Variants in ADSS1 observed in about 807,000 individuals in gnomAD.
ADSS1 encodes adenylosuccinate synthase 1, also known as adenylosuccinate synthetase isozyme 1.
A neutral mutation model predicts 59.1 loss-of-function variants in ADSS1; 57 were observed. The observed-to-expected ratio is 0.97, with a 90% CI of 0.78 to 1.20. ADSS1 has a LOEUF of 1.20. Ranked by LOEUF, ADSS1 falls within the 50% of genes most tolerant of loss-of-function variation. ADSS1 has a pLI of 0.00. For synonymous variants in ADSS1, 247 were observed against 249.4 expected (o/e 0.99, Z 0.09); for missense variants, 603 against 610.3 (o/e 0.99, Z 0.13).
At chr14:104,739,607 T>A (rs1195047490) in intron 4 of ADSS1, 143 bp from the exon 5 acceptor site, 1 of 1,008,064 alleles carries the variant, frequency 9.9e-7, no homozygotes, top group Non-Finnish European at 1.5e-6. Flanking sequence ...ACACTCATGG[T>A]CACACCCCAG....
chr14:104,739,768 C>G lies in ADSS1; in HGVS notation c.428C>G (p.Ala143Gly). ...CCGACAGTGTTTGATTTTCACCAGG[C>G]TGTCGACGGACTTCAGGAAGTGCAG... ...RAHLVFDFHQAVDGLQEVQRQ... is the reference protein window; with the variant it reads ...RAHLVFDFHQGVDGLQEVQRQ... The change falls in exon 5 of 13, where the codon GCT (alanine) becomes GGT (glycine). Residue 143 changes from alanine to glycine, a missense_variant. Coordinates refer to ENST00000330877, the MANE Select transcript of ADSS1 (RefSeq NM_152328.5). The G allele has an allele frequency of 1.9e-6, 3 of 1,613,948 alleles. No homozygotes were observed. Among genetic ancestry groups the G allele is most frequent in the Non-Finnish European group, 2.5e-6 (3 of 1,179,998 alleles).
rs768348409 is a variant in ADSS1, at chr14:104,739,808, G to T, written c.468G>T (p.Glu156Asp). 7 of 1,613,776 alleles carry T rather than the reference G, an allele frequency of 4.3e-6. No homozygotes were observed. Among genetic ancestry groups the T allele is most frequent in the African/African-American group, 2.7e-5 (2 of 74,912 alleles). Residue 156 changes from glutamate to aspartate, a missense_variant, in exon 5 of 13, where the codon GAG becomes GAT. Coordinates refer to ENST00000330877, the MANE Select transcript of ADSS1 (RefSeq NM_152328.5). Reference protein sequence around the residue: ...GLQEVQRQAQEGKNIGTTKKG... With the variant: ...GLQEVQRQAQDGKNIGTTKKG... ...AGGAAGTGCAGCGCCAGGCACAAGAGGGGAAGAAGTAAGTCTGCCGGGACA... is the reference window on the plus strand; with the variant it reads ...AGGAAGTGCAGCGCCAGGCACAAGATGGGAAGAAGTAAGTCTGCCGGGACA...
rs1891071695 is a variant in ADSS1, at chr14:104,735,141, CCTG to C, written c.295+20_295+22del. 1.3e-6 allele frequency: 2 copies of C among 1,586,620 alleles called. No individual in the cohort carries two copies. Among genetic ancestry groups the C allele is most frequent in the Middle Eastern group, 1.7e-4 (1 of 6,016 alleles). Reference sequence around the variant, plus strand: ...TTCATTGGTGAGTGCCCTGCCCCGACCTGTGTGTGAGCAGGAAAGGGGGTGTCA... The same window carrying C: ...TTCATTGGTGAGTGCCCTGCCCCGACTGTGTGAGCAGGAAAGGGGGTGTCA... On this transcript the variant is annotated intron_variant, in intron 2 of 12. Transcript: ENST00000330877.
chr14:104,742,542 C>G (rs4247034), intron 9 of ADSS1, among the ~76,000 whole-genome samples: 82,785 of 152,182 alleles, frequency 0.54, 23,394 homozygotes, highest in African/African-American at 0.67. Flanking sequence ...TCCTCTTTCA[C>G]CCTCAACCTG....
At chr14:104,742,576 T>C (rs532102352) in intron 9 of ADSS1, among the ~76,000 whole-genome samples, 1 of 152,356 alleles carries the variant, frequency 6.6e-6, no homozygotes, top group Non-Finnish European at 1.5e-5. Context: ...GGCAAGGACA[T>C]GGCCCTTGTG....
In ADSS1 at chr14:104,746,279, G is replaced by T; in HGVS notation, c.1215G>T (p.Thr405=). 1.9e-6 allele frequency: 3 copies of T among 1,613,590 alleles called. No homozygotes were observed. In the South Asian group the frequency reaches 3.3e-5, roughly 18 times the overall value. The change falls in exon 12 of 13, where the codon ACG becomes ACT. Residue 405 remains threonine, a synonymous_variant. Coordinates refer to ENST00000330877, the MANE Select transcript of ADSS1 (RefSeq NM_152328.5). The stretch of plus-strand genomic sequence containing the variant: ...AGAAGGTCGAAGTTGAGTATGAAAC[G>T]CTGCCTGGGTGGAAAGCAGACACCA... ...MLQKVEVEYE[T]LPGWKADTTG...
intron 1 of ADSS1, chr14:104,730,010 C>T: frequency 1.3e-6 from 2 of 1,594,396 alleles, no homozygotes; most frequent in Non-Finnish European, 1.7e-6. Flanking sequence ...CCCCTGGCTG[C>T]CTCCAAGGAG....
chr14:104,739,519 C>A lies in ADSS1; in HGVS notation c.409+141C>A. ...CATGGCTCCATTAGCTTGTACATTA[C>A]CCTTTTCAAAGAGCTTCAAGTTGGG... On this transcript the variant is annotated intron_variant, in intron 4 of 12. Transcript: ENST00000330877. The A allele has an allele frequency of 6.6e-6, 7 of 1,059,530 alleles. 1 individual carries two copies. The highest frequency in any genetic ancestry group is 9.6e-6 in the Non-Finnish European group (7 of 729,114). The allele number at this position is 1,059,530 out of a possible 1,614,324, so 65.6% of individuals were successfully genotyped here. A position where few individuals can be genotyped will look rare whatever the true frequency, so the allele number is the denominator to read the frequency against.
intron 1 of ADSS1, among the ~76,000 whole-genome samples, chr14:104,732,787 A>G (rs1251312948): frequency 2.6e-5 from 4 of 151,878 alleles, no homozygotes; most frequent in Admixed American, 2.0e-4. Context: ...GTCCTCAGAG[A>G]CCTCACCCCT....
intron 1 of ADSS1, among the ~76,000 whole-genome samples, chr14:104,730,651 G>A (rs1890890658): frequency 6.6e-6 from 1 of 152,146 alleles, no homozygotes; most frequent in South Asian, 2.1e-4. Context: ...GCAATGGTGG[G>A]AGGACTGGGG....
intron 3 of ADSS1, 61 bp downstream of exon 3, chr14:104,738,499 G>T: frequency 6.3e-7 from 1 of 1,577,994 alleles, no homozygotes; most frequent in Non-Finnish European, 8.7e-7. Context: ...GCGGTTGTTG[G>T]CTGGAGCCTT....
chr14:104,728,717 G>A (rs527457540), intron 1 of ADSS1, among the ~76,000 whole-genome samples: 40 of 152,294 alleles, frequency 2.6e-4, no homozygotes, highest in African/African-American at 9.1e-4. Flanking sequence ...AAGCACCGCC[G>A]GCCTCCCCCT....
chr14:104,729,970 C>T, intron 1 of ADSS1: 1 of 1,593,260 alleles, frequency 6.3e-7, no homozygotes, highest in South Asian at 1.1e-5. Context: ...CCCTGACCCT[C>T]AGCTCGTCCC....
At chr14:104,743,362 C>A in intron 10 of ADSS1, 171 bp downstream of exon 10, 1 of 979,804 alleles carries the variant, frequency 1.0e-6, no homozygotes, top group Non-Finnish European at 1.5e-6. Flanking sequence ...GGTATGGAGG[C>A]CTGTGCAGGG....
chr14:104,739,289 C>A lies in ADSS1; in HGVS notation c.359-39C>A, dbSNP rs377214867. 11 of 1,592,424 alleles carry A rather than the reference C, an allele frequency of 6.9e-6. No individual in the cohort carries two copies. The African/African-American group carries it at 1.1e-4, about 15-fold the overall frequency. ...CCCTCACGTGTGAGCTGCAGCGCAC[C>A]TGTGAACACTGACCCACCTGTGTGC... On this transcript the variant is annotated intron_variant, in intron 3 of 12. Coordinates refer to ENST00000330877, the MANE Select transcript of ADSS1 (RefSeq NM_152328.5).
At chr14:104,733,528 C>A (rs188857103) in intron 1 of ADSS1, among the ~76,000 whole-genome samples, 186 of 152,292 alleles carry the variant, frequency 1.2e-3, no homozygotes, top group South Asian at 2.9e-3. Context: ...AGGGGGCCGC[C>A]ATCACGGAGG....
Position 104,730,028 on chromosome 14 carries a change from T to C in ADSS1, c.193-4992T>C, listed in dbSNP as rs33958252. On this transcript the variant is annotated intron_variant, in intron 1 of 12. Transcript: ENST00000330877. ...CTGGCTGCCTCCAAGGAGTCTCCAG[T>C]TACTGAGTGGCCACTCCGTGCCAGC... 0.48 allele frequency: 754,818 copies of C among 1,584,858 alleles called. 184,584 individuals carry two copies. The highest frequency in any genetic ancestry group is 0.75 in the African/African-American group (55,872 of 74,132).
chr14:104,732,431 T>C (rs1890964934), intron 1 of ADSS1, among the ~76,000 whole-genome samples: 1 of 152,174 alleles, frequency 6.6e-6, no homozygotes, highest in Admixed American at 6.5e-5. Flanking sequence ...GGGGCCATCG[T>C]CCTGGGCTCC....
Position 104,724,275 on chromosome 14 carries a change from C to T in ADSS1, c.5C>T (p.Ser2Leu). 1 of 1,229,316 alleles carries T rather than the reference C, an allele frequency of 8.1e-7. No individual in the cohort carries two copies. The highest frequency in any genetic ancestry group is 4.1e-5 in the South Asian group (1 of 24,426). 76.2% of individuals were successfully genotyped at this position (1,229,316 alleles called of 1,614,324 possible). A position where few individuals can be genotyped will look rare whatever the true frequency, so the allele number is the denominator to read the frequency against. Reference protein sequence around the residue: MSGTRASNDRPP... With the variant: MLGTRASNDRPP... Reference sequence around the variant, plus strand: ...CAGCGGAAGAGCCAAGCCAGCATGTCGGGGACCCGAGCCTCCAACGACCGG... The same window carrying T: ...CAGCGGAAGAGCCAAGCCAGCATGTTGGGGACCCGAGCCTCCAACGACCGG... Residue 2 changes from serine to leucine, a missense_variant, in exon 1 of 13, where the codon TCG becomes TTG. Transcript: ENST00000330877.
Sources: allele counts gnomAD v4.1 joint callset (sites outside exome capture counted in the v4.1 genomes callset), GRCh38; gene constraint gnomAD v4.1.1; transcripts MANE v1.5; gene names NCBI Gene and HGNC (gene_info 2026-07-23, HGNC 2026-07-21).